The following EPB41 variants were observed in gnomAD, a reference collection of about 807,000 sequenced individuals.
EPB41 encodes protein 4.1.
Under a neutral mutation model 108.0 loss-of-function variants are expected in EPB41, and 65 were observed. The observed-to-expected ratio is 0.60, with a 90% CI of 0.49 to 0.74. The LOEUF (loss-of-function observed/expected upper bound fraction) is 0.74, where lower values mean the gene tolerates loss of function less well. Among genes scored for constraint, EPB41 ranks in the 30% least tolerant of loss-of-function variants. EPB41 has a pLI of 0.00. For missense variants in EPB41, 875 were observed against 1,037.0 expected, an observed-to-expected ratio of 0.84 and a Z score of 2.15; for synonymous variants, 336 against 358.9, an observed-to-expected ratio of 0.94 and a Z score of 0.72.
chr1:28,979,727 T>A (rs63567761), intron 1 of EPB41, among the ~76,000 whole-genome samples: 1 of 149,258 alleles, frequency 6.7e-6, no homozygotes, highest in Non-Finnish European at 1.5e-5. Flanking sequence ...TTTTTTTTTT[T>A]AATCACTTGT....
At chr1:29,078,134 G>T (rs926396885) in intron 16 of EPB41, among the ~76,000 whole-genome samples, 3 of 152,072 alleles carry the variant, frequency 2.0e-5, no homozygotes, top group Admixed American at 6.6e-5. Flanking sequence ...ACTGAGAACC[G>T]CCTGAACCTG....
At chr1:28,926,015 A>T (rs2093424039) in intron 1 of EPB41, among the ~76,000 whole-genome samples, 1 of 150,910 alleles carries the variant, frequency 6.6e-6, no homozygotes, top group Non-Finnish European at 1.5e-5. Flanking sequence ...GGAGTTTGAG[A>T]CTAGCCTGGG....
chr1:29,056,816 G>A (rs1167910915), intron 12 of EPB41, among the ~76,000 whole-genome samples: 6 of 152,062 alleles, frequency 3.9e-5, no homozygotes, highest in Non-Finnish European at 8.8e-5. Context: ...GTGAGCCACC[G>A]TACCCGGCTG....
At chr1:28,961,088 T>C (rs901296265) in intron 1 of EPB41, among the ~76,000 whole-genome samples, 44 of 151,972 alleles carry the variant, frequency 2.9e-4, no homozygotes, top group African/African-American at 1.0e-3. Context: ...GATGTGTCTC[T>C]TTCTTTCTTT....
In EPB41 at chr1:28,887,592, G is replaced by A. The variant is rs1490076498; in HGVS notation, c.-8+382G>A. ...CCGCCCCCTAGCCCCGCCTTGCCCG[G>A]CCCCGCATGCTCCTGCCGGGCCCGC... is the stretch of plus-strand genomic sequence containing the variant. On this transcript the variant is annotated intron_variant, in intron 1 of 16. Coordinates refer to the EPB41 transcript ENST00000347529. The surrounding 1 kb of genome is among the most constrained non-coding windows in gnomAD (Gnocchi z 4.9). 3 of 985,172 alleles carry A rather than the reference G, an allele frequency of 3.0e-6. No individual in the cohort carries two copies. Among genetic ancestry groups the A allele is most frequent in the Non-Finnish European group, 3.6e-6 (3 of 829,802 alleles). The allele number at this position is 985,172 out of a possible 1,614,324, so 61.0% of individuals were successfully genotyped here. A position where few individuals can be genotyped will look rare whatever the true frequency, so the allele number is the denominator to read the frequency against.
At chr1:28,963,103 C>T (rs560838013) in intron 1 of EPB41, among the ~76,000 whole-genome samples, 6 of 152,108 alleles carry the variant, frequency 3.9e-5, no homozygotes, top group Admixed American at 6.5e-5. Context: ...TTACTCTTAA[C>T]GAAACCAGCT....
chr1:29,078,702 C>T (rs1318206693), intron 16 of EPB41, among the ~76,000 whole-genome samples: 7 of 152,128 alleles, frequency 4.6e-5, no homozygotes, highest in African/African-American at 1.7e-4. Context: ...GAGCTATAAT[C>T]ATGCCACTGT....
chr1:29,024,331 TCTA>T (rs1284902358), intron 7 of EPB41, among the ~76,000 whole-genome samples: 2 of 141,534 alleles, frequency 1.4e-5, no homozygotes, highest in Non-Finnish European at 3.0e-5. Context: ...TAAGACTTCA[TCTA>T]AAAATAAATA....
intron 1 of EPB41, among the ~76,000 whole-genome samples, chr1:28,967,227 C>A (rs542443544): frequency 6.6e-6 from 1 of 152,148 alleles, no homozygotes; most frequent in African/African-American, 2.4e-5. Context: ...ACCATGTTAA[C>A]CAGGATGGTC....
chr1:28,990,409 C>T (rs781079018), intron 2 of EPB41, among the ~76,000 whole-genome samples: 1 of 142,758 alleles, frequency 7.0e-6, no homozygotes, highest in African/African-American at 2.6e-5. Flanking sequence ...CCTTCCCCCT[C>T]TTTATTTATT....
chr1:29,051,088 GTTTTTTTTTTTTTTT>G (rs71586885), intron 11 of EPB41, among the ~76,000 whole-genome samples: 13 of 51,584 alleles, frequency 2.5e-4, no homozygotes, highest in East Asian at 6.8e-4. Flanking sequence ...TTCTTTTTCT[GTTTTTTTTTTTTTTT>G]TTTTTTTTTT....
intron 1 of EPB41, among the ~76,000 whole-genome samples, chr1:28,917,230 G>A (rs1171529415): frequency 6.6e-6 from 1 of 151,696 alleles, no homozygotes; most frequent in Non-Finnish European, 1.5e-5. Context: ...AATAACCCTT[G>A]CTTTGCCATC....
At chr1:28,969,879 C>T (rs1486469338) in intron 1 of EPB41, among the ~76,000 whole-genome samples, 2 of 152,132 alleles carry the variant, frequency 1.3e-5, no homozygotes, top group East Asian at 1.9e-4. Context: ...CCAGCCTGGG[C>T]GACAGAGCGA....
chr1:28,964,493 T>C (rs2095310195), intron 1 of EPB41, among the ~76,000 whole-genome samples: 1 of 150,876 alleles, frequency 6.6e-6, no homozygotes, highest in Non-Finnish European at 1.5e-5. Context: ...TCCAGCTACT[T>C]GGGAGGCTGA....
chr1:29,030,410 C>G lies in EPB41; in HGVS notation c.1135C>G (p.Pro379Ala). Residue 379 changes from proline (P) to alanine (A), a missense_variant, in exon 8 of 21, where the codon CCA becomes GCA. Pro to Ala is a conservative substitution (Grantham distance 27). Transcript: ENST00000343067. ...ELHKSYRSMT[P>A]AQADLEFLEN... is the part of the protein sequence containing the mutation. ...TTTATTCTATCAAAGGTCCATGACT[C>G]CAGCTCAGGCTGACTTGGAGTTTCT... 1 of 1,613,934 alleles carries G rather than the reference C, an allele frequency of 6.2e-7. No individual in the cohort carries two copies.
At chr1:28,971,817 C>T (rs796078530) in intron 1 of EPB41, among the ~76,000 whole-genome samples, 15 of 152,044 alleles carry the variant, frequency 9.9e-5, no homozygotes, top group African/African-American at 3.4e-4. Flanking sequence ...CAATTATGGT[C>T]TATAGATTTA....
chr1:29,080,478 A>G (rs764415278), intron 16 of EPB41, among the ~76,000 whole-genome samples: 37 of 149,068 alleles, frequency 2.5e-4, no homozygotes, highest in Non-Finnish European at 4.9e-4. Flanking sequence ...ATGCAATCAC[A>G]TCTCACTGAA....
intron 3 of EPB41, among the ~76,000 whole-genome samples, chr1:28,995,267 T>C (rs1348544914): frequency 6.6e-6 from 1 of 151,920 alleles, no homozygotes; most frequent in Non-Finnish European, 1.5e-5. Flanking sequence ...TGTCATAGAA[T>C]TCAGAATATT....
chr1:28,934,667 TGTG>T (rs1219690740), intron 1 of EPB41, among the ~76,000 whole-genome samples: 38 of 1,248 alleles, frequency 0.03, no homozygotes, highest in Middle Eastern at 0.5. Context: ...CTTTTGACAT[TGTG>T]TGTGTGTGTG....
Sources: gnomAD v4.1 joint callset for allele counts (sites outside exome capture counted in the v4.1 genomes callset) on GRCh38, gnomAD v4.1.1 for gene constraint, Gnocchi (gnomAD v3.1) non-coding constraint, MANE v1.5 for transcripts, NCBI Gene and HGNC (gene_info 2026-07-23, HGNC 2026-07-21) for gene names.